IQCJ: variants seen among roughly 807,000 people sequenced by gnomAD.
The protein encoded by IQCJ is IQ domain-containing protein J.
Under a neutral mutation model 11.0 loss-of-function variants are expected in IQCJ, and 9 were observed. The ratio of observed to expected loss-of-function variants is 0.82; its 90% CI spans 0.49 to 1.43. The LOEUF is 1.43. Ranked by LOEUF, IQCJ falls within the 40% of genes most tolerant of loss-of-function variation. The pLI is 0.00. For synonymous variants in IQCJ, 55 were observed against 51.3 expected (o/e 1.07, Z -0.31); for missense variants, 146 against 133.2 (o/e 1.10, Z -0.47).
At chr3:159,074,637 C>T (rs1316460594) in intron 1 of IQCJ, among the ~76,000 whole-genome samples, 12 of 152,132 alleles carry the variant, frequency 7.9e-5, no homozygotes, top group Admixed American at 3.9e-4. Context: ...GAGATTTTCA[C>T]GATAATCCTT....
chr3:159,252,616 C>T (rs1727665636), intron 2 of IQCJ, 111 bp from the exon 3 acceptor site: 1 of 965,954 alleles, frequency 1.0e-6, no homozygotes, highest in African/African-American at 1.7e-5. Flanking sequence ...TTAAAATAAA[C>T]AAAATTGAAT....
At position 159,163,307 on chromosome 3, in the gene IQCJ, A is replaced by G. The variant is rs891704719; in HGVS notation, c.10-82536A>G. On this transcript the variant is annotated intron_variant, in intron 1 of 3. Coordinates refer to ENST00000397832, the MANE Select transcript of IQCJ (RefSeq NM_001042706.3). Reference sequence around the variant, plus strand: ...TGAATGTAATCCAGCATATAAACAGAACCAAAGACAAAAACCACATGACTA... The same window carrying G: ...TGAATGTAATCCAGCATATAAACAGGACCAAAGACAAAAACCACATGACTA... 2.0e-5 allele frequency among the ~76,000 whole-genome samples: 3 copies of G among 152,194 alleles called. No homozygotes were observed. The South Asian group carries it at 6.2e-4, about 32-fold the overall frequency.
chr3:159,158,738 A>C (rs1721671788), intron 1 of IQCJ, among the ~76,000 whole-genome samples: 1 of 152,276 alleles, frequency 6.6e-6, no homozygotes, highest in Non-Finnish European at 1.5e-5. Flanking sequence ...TTTGTTACTA[A>C]AATAAATGAA....
rs73874793 is a variant in IQCJ, at chr3:159,075,249, C to T, written c.9+5808C>T. ...TGAAAACTGAACAACATAACAGTCACATTTGCATATTCTTCCAGGCTGACT... is the reference window on the plus strand; with the variant it reads ...TGAAAACTGAACAACATAACAGTCATATTTGCATATTCTTCCAGGCTGACT... On this transcript the variant is annotated intron_variant, in intron 1 of 3. Coordinates refer to ENST00000397832, the MANE Select transcript of IQCJ (RefSeq NM_001042706.3). Among the ~76,000 whole-genome samples, 1,460 of 152,236 alleles carry T rather than the reference C, an allele frequency of 9.6e-3. 21 individuals are homozygous for T. Among genetic ancestry groups the T allele is most frequent in the African/African-American group, 0.034 (1,414 of 41,548 alleles).
At chr3:159,108,505 GAA>G (rs576230632) in intron 1 of IQCJ, among the ~76,000 whole-genome samples, 42 of 152,178 alleles carry the variant, frequency 2.8e-4, no homozygotes, top group African/African-American at 9.6e-4. Flanking sequence ...TAGGTGATGA[GAA>G]AAGAAAAGAA....
chr3:159,134,380 C>T (rs1440991142), intron 1 of IQCJ, among the ~76,000 whole-genome samples: 1 of 152,118 alleles, frequency 6.6e-6, no homozygotes, highest in Non-Finnish European at 1.5e-5. Context: ...AGCGTGAACA[C>T]CAGTAAGTGG....
At chr3:159,133,041 T>C (rs1720082011) in intron 1 of IQCJ, among the ~76,000 whole-genome samples, 1 of 152,202 alleles carries the variant, frequency 6.6e-6, no homozygotes, top group Non-Finnish European at 1.5e-5. Flanking sequence ...TCTACTTTTC[T>C]TTTTCTTTTC....
chr3:159,239,950 C>T (rs1726819574), intron 1 of IQCJ, among the ~76,000 whole-genome samples: 1 of 152,096 alleles, frequency 6.6e-6, no homozygotes, highest in African/African-American at 2.4e-5. Context: ...CTGATGTTCA[C>T]ACAATGATGA....
chr3:159,223,594 G>A (rs1044663537), intron 1 of IQCJ, among the ~76,000 whole-genome samples: 1 of 152,114 alleles, frequency 6.6e-6, no homozygotes, highest in Non-Finnish European at 1.5e-5. Context: ...CTGCTGTCCT[G>A]AAATTGAATT....
intron 1 of IQCJ, among the ~76,000 whole-genome samples, chr3:159,176,590 ATAATTT>A (rs1180746420): frequency 1.3e-5 from 2 of 152,210 alleles, no homozygotes; most frequent in Non-Finnish European, 2.9e-5. Flanking sequence ...AGCCACACAT[ATAATTT>A]TAAATTTCCT....
At chr3:159,191,308 G>C (rs1468134349) in intron 1 of IQCJ, among the ~76,000 whole-genome samples, 1 of 152,152 alleles carries the variant, frequency 6.6e-6, no homozygotes, top group African/African-American at 2.4e-5. Context: ...AGATGATGAA[G>C]ATGAGGAGGA....
At chr3:159,239,670 T>C (rs1726796080) in intron 1 of IQCJ, among the ~76,000 whole-genome samples, 1 of 152,230 alleles carries the variant, frequency 6.6e-6, no homozygotes, top group Non-Finnish European at 1.5e-5. Flanking sequence ...AGTTTGACCA[T>C]TTCCAGTCCT....
Position 159,202,152 on chromosome 3 carries a change from A to G in IQCJ, c.10-43691A>G, listed in dbSNP as rs532078481. Among the ~76,000 whole-genome samples the G allele has an allele frequency of 2.0e-4, 31 of 152,274 alleles. No homozygotes were observed. In the South Asian group the frequency reaches 6.4e-3, roughly 32 times the overall value. On this transcript the variant is annotated intron_variant, in intron 1 of 3. Transcript: ENST00000397832. ...ATATATTATCTGGGGGAGGGTGTCC[A>G]TAGTTTCATCAGCCTCTCAAAGATC...
intron 1 of IQCJ, among the ~76,000 whole-genome samples, chr3:159,171,956 A>T (rs1015523502): frequency 1.2e-4 from 19 of 152,178 alleles, no homozygotes; most frequent in African/African-American, 4.6e-4. Context: ...TTAGATTCTC[A>T]TGATGTGTGA....
chr3:159,197,189 G>A (rs1724037456), intron 1 of IQCJ, among the ~76,000 whole-genome samples: 1 of 152,204 alleles, frequency 6.6e-6, no homozygotes. Context: ...GAGCAGTAGA[G>A]TCTGACTAAA....
rs747105085 is a variant in IQCJ, at chr3:159,262,595, G to A, written c.203G>A (p.Gly68Glu). ...TACCTGCAGCGGCAGGAGCCCCTGG[G>A]GAAGAGGAGCCCGTCCCCACCCTCT... ...REYLQRQEPLGKRSPSPPSVS... is the reference protein window; with the variant it reads ...REYLQRQEPLEKRSPSPPSVS... The change falls in exon 4 of 4, where the codon GGG (glycine) becomes GAG (glutamate). Residue 68 changes from glycine to glutamate, a missense_variant. Transcript: ENST00000397832. 11 of 1,613,776 alleles carry A rather than the reference G, an allele frequency of 6.8e-6. No individual in the cohort carries two copies. Among genetic ancestry groups the A allele is most frequent in the Non-Finnish European group, 9.3e-6 (11 of 1,179,846 alleles).
At chr3:159,128,351 A>G (rs1719792979) in intron 1 of IQCJ, among the ~76,000 whole-genome samples, 1 of 152,200 alleles carries the variant, frequency 6.6e-6, no homozygotes, top group Non-Finnish European at 1.5e-5. Flanking sequence ...TCCAGACATT[A>G]AGAATTAATT....
At chr3:159,115,436 C>T (rs1396237294) in intron 1 of IQCJ, among the ~76,000 whole-genome samples, 2 of 152,072 alleles carry the variant, frequency 1.3e-5, no homozygotes, top group Non-Finnish European at 2.9e-5. Flanking sequence ...CAACTAACTT[C>T]AGGGAAGGCT....
chr3:159,215,667 C>A (rs1219121917), intron 1 of IQCJ, among the ~76,000 whole-genome samples: 1 of 152,114 alleles, frequency 6.6e-6, no homozygotes, highest in Non-Finnish European at 1.5e-5. Context: ...TTCCACCAGA[C>A]AGGACAGTAT....
Sources: allele counts gnomAD v4.1 joint callset (sites outside exome capture counted in the v4.1 genomes callset), GRCh38; gene constraint gnomAD v4.1.1; transcripts MANE v1.5; gene names NCBI Gene and HGNC (gene_info 2026-07-23, HGNC 2026-07-21).